BOK: variants seen among roughly 807,000 people sequenced by gnomAD.
The protein encoded by BOK is bcl-2-related ovarian killer protein.
In BOK, 20 loss-of-function variants were observed where a neutral mutation model predicts 18.3. The ratio of observed to expected loss-of-function variants is 1.09; its 90% CI spans 0.77 to 1.59. The LOEUF (loss-of-function observed/expected upper bound fraction) is 1.59, where lower values mean the gene tolerates loss of function less well. Ranked by LOEUF, BOK falls within the 40% of genes most tolerant of loss-of-function variation. The probability of loss-of-function intolerance (pLI) is 0.00; values close to 1 mark genes in which losing one functional copy is unlikely to be tolerated. For missense variants in BOK, 348 were observed against 307.9 expected (o/e 1.13, Z -0.97); for synonymous variants, 173 against 142.4 (o/e 1.21, Z -1.53).
At chr2:241,557,716 A>T (rs2066464224), upstream of BOK, among the ~76,000 whole-genome samples, 1 of 152,210 alleles carries the variant, frequency 6.6e-6, no homozygotes, top group Non-Finnish European at 1.5e-5. Flanking sequence ...TCTTGTCAAC[A>T]TATTTTAATC....
At chr2:241,567,003 A>G (rs1366116119) in intron 3 of BOK, among the ~76,000 whole-genome samples, 1 of 134,552 alleles carries the variant, frequency 7.4e-6, no homozygotes, top group Admixed American at 7.5e-5. Flanking sequence ...ATGGAATTAT[A>G]TCAGTTAAAA....
chr2:241,570,384 G>T (rs2066697986), intron 4 of BOK, 96 bp downstream of exon 4: 2 of 986,044 alleles, frequency 2.0e-6, no homozygotes, highest in Non-Finnish European at 1.4e-6. Flanking sequence ...CTGAGCGCCT[G>T]GGGGGTGGGA....
intron 1 of BOK, 66 bp from the exon 2 acceptor site, chr2:241,559,389 C>G (rs923324405): frequency 1.4e-5 from 15 of 1,071,816 alleles, no homozygotes; most frequent in Non-Finnish European, 1.7e-5. Flanking sequence ...ACGCCCAGCC[C>G]GGCGCCCCGC....
At chr2:241,555,148 G>A (rs779620898), upstream of BOK, among the ~76,000 whole-genome samples, 13 of 152,202 alleles carry the variant, frequency 8.5e-5, no homozygotes, top group South Asian at 2.1e-4. Flanking sequence ...AAGGGTTTGC[G>A]GTCTAGGTAC....
chr2:241,569,870 C>T (rs972753754), intron 3 of BOK, among the ~76,000 whole-genome samples: 4 of 152,206 alleles, frequency 2.6e-5, no homozygotes, highest in South Asian at 2.1e-4. Flanking sequence ...TCAGTTCCCT[C>T]GCCTCACCCC....
chr2:241,567,126 C>T (rs1446189402), intron 3 of BOK, among the ~76,000 whole-genome samples: 1 of 131,462 alleles, frequency 7.6e-6, no homozygotes, highest in East Asian at 2.7e-4. Context: ...GTTGCCATCA[C>T]TCGGAACATA....
At chr2:241,560,282 A>G (rs948051885) in intron 2 of BOK, 17 of 984,916 alleles carry the variant, frequency 1.7e-5, no homozygotes, top group Non-Finnish European at 1.9e-5. Context: ...CCCAAGAGGG[A>G]GGGACCAGCC....
At chr2:241,554,218 A>G (rs1012255139), upstream of BOK, among the ~76,000 whole-genome samples, 3 of 152,128 alleles carry the variant, frequency 2.0e-5, no homozygotes, top group Non-Finnish European at 2.9e-5. Flanking sequence ...GCAGGGCCTG[A>G]GCCAAGGAGG....
intron 3 of BOK, among the ~76,000 whole-genome samples, chr2:241,565,726 C>CGTGGGGG (rs529098649): frequency 0.014 from 2,177 of 152,252 alleles, 13 homozygotes; most frequent in Non-Finnish European, 0.022. Flanking sequence ...GGCAGGGCTC[C>CGTGGGGG]GTGGGGGTCT....
At chr2:241,557,874 G>C (rs991309674), upstream of BOK, among the ~76,000 whole-genome samples, 1 of 152,172 alleles carries the variant, frequency 6.6e-6, no homozygotes, top group Non-Finnish European at 1.5e-5. Context: ...GATTTGCTGA[G>C]ACTTGTATAA....
In BOK at chr2:241,553,653, AACTC is replaced by A. The variant is rs1411769186; in HGVS notation, n.54+2184_54+2187del. Among the ~76,000 whole-genome samples the A allele has an allele frequency of 5.3e-5, 8 of 152,194 alleles. No homozygotes were observed. The East Asian group carries it at 7.7e-4, about 15-fold the overall frequency. On this transcript the variant is annotated intron_variant and non_coding_transcript_variant, in intron 1 of 1. Coordinates refer to the BOK transcript ENST00000641230. ...CTTTTAAAGAGGCAGATCTCGTGAG[AACTC>A]ACTCACTATCACGAGCACTGCAAAT...
Position 241,572,800 on chromosome 2 carries a change from A to C in BOK, c.*378A>C. ...AAGGGGCCCGGGAACACCTGCTCTC[A>C]CCTGAGCCCCAGGTGAAGGGGCCCG... is the stretch of plus-strand genomic sequence containing the variant. On this transcript the variant is annotated 3_prime_UTR_variant, in exon 5 of 5. Coordinates refer to ENST00000318407, the MANE Select transcript of BOK (RefSeq NM_032515.5). 1 of 204,024 alleles carries C rather than the reference A, an allele frequency of 4.9e-6. No homozygotes were observed. The highest frequency in any genetic ancestry group is 2.6e-5 in the African/African-American group (1 of 38,998). 12.6% of individuals were successfully genotyped at this position (204,024 alleles called of 1,614,324 possible).
At chr2:241,558,440 T>C (rs573085041), upstream of BOK, among the ~76,000 whole-genome samples, 4 of 152,300 alleles carry the variant, frequency 2.6e-5, no homozygotes, top group South Asian at 8.3e-4. Flanking sequence ...AATCCAATAA[T>C]CCATCTACAA....
chr2:241,559,712 G>T lies in BOK; in HGVS notation c.220+9G>T, dbSNP rs1166220678. 28 of 1,298,870 alleles carry T rather than the reference G, an allele frequency of 2.2e-5. No homozygotes were observed. Among genetic ancestry groups the T allele is most frequent in the Non-Finnish European group, 2.7e-5 (28 of 1,026,820 alleles). 80.5% of individuals were successfully genotyped at this position (1,298,870 alleles called of 1,614,324 possible). Reference sequence around the variant, plus strand: ...GGTGCTGCTGCGCCTGGGTGAGTGCGCCCTGGTGGGATCCCCAGCTGCGCC... The same window carrying T: ...GGTGCTGCTGCGCCTGGGTGAGTGCTCCCTGGTGGGATCCCCAGCTGCGCC... On this transcript the variant is annotated intron_variant, in intron 2 of 4. Coordinates refer to ENST00000318407, the MANE Select transcript of BOK (RefSeq NM_032515.5).
intron 2 of BOK, chr2:241,560,055 T>G: frequency 1.0e-6 from 1 of 985,118 alleles, no homozygotes; most frequent in Middle Eastern, 5.2e-4. Flanking sequence ...GTCCCGATGT[T>G]TATTTTGGAA....
intron 3 of BOK, among the ~76,000 whole-genome samples, chr2:241,566,167 T>C (rs2066608045): frequency 2.0e-5 from 3 of 149,678 alleles, no homozygotes; most frequent in Admixed American, 1.3e-4. Flanking sequence ...GCCTGTAATC[T>C]CAGCTACTCG....
At chr2:241,569,017 G>T (rs1470238873) in intron 3 of BOK, among the ~76,000 whole-genome samples, 1 of 152,108 alleles carries the variant, frequency 6.6e-6, no homozygotes, top group Non-Finnish European at 1.5e-5. Flanking sequence ...TCACTGCTGG[G>T]CTGCATGTTT....
chr2:241,564,608 G>C (rs540326210), intron 3 of BOK, among the ~76,000 whole-genome samples: 18 of 152,250 alleles, frequency 1.2e-4, no homozygotes, highest in African/African-American at 4.3e-4. Context: ...ACAGTGGGCA[G>C]CGGAAGCATG....
upstream of BOK, among the ~76,000 whole-genome samples, chr2:241,554,332 AG>A (rs11404328): frequency 3.3e-5 from 5 of 151,982 alleles, no homozygotes; most frequent in South Asian, 4.1e-4. Context: ...CCCAAGCCTG[AG>A]GGCTGGCTTG....
Sources: allele counts gnomAD v4.1 joint callset (sites outside exome capture counted in the v4.1 genomes callset), GRCh38; gene constraint gnomAD v4.1.1; transcripts MANE v1.5; gene names NCBI Gene and HGNC (gene_info 2026-07-23, HGNC 2026-07-21).